Variants in DCC observed in about 807,000 individuals in gnomAD.
DCC encodes the protein DCC netrin 1 receptor, also known as netrin receptor DCC.
In DCC, 58 loss-of-function variants were observed where a neutral mutation model predicts 172.5. The ratio of observed to expected loss-of-function variants is 0.34; its 90% CI spans 0.27 to 0.42. The LOEUF (loss-of-function observed/expected upper bound fraction) is 0.42, where lower values mean the gene tolerates loss of function less well. DCC is among the 10% of genes least tolerant of loss of function. The probability of loss-of-function intolerance (pLI) is 1.00; values close to 1 mark genes in which losing one functional copy is unlikely to be tolerated. For synonymous variants in DCC, 709 were observed against 644.5 expected (o/e 1.10, Z -1.52); for missense variants, 1,740 against 1,791.0 (o/e 0.97, Z 0.51).
At chr18:52,944,395 C>T (rs1018198813) in intron 5 of DCC, among the ~76,000 whole-genome samples, 12 of 152,220 alleles carry the variant, frequency 7.9e-5, no homozygotes, top group East Asian at 3.9e-4. Context: ...ACTGCAGCAC[C>T]GTTTCTGCAT....
intron 14 of DCC, among the ~76,000 whole-genome samples, chr18:53,332,000 G>C (rs921107211): frequency 6.6e-6 from 1 of 152,148 alleles, no homozygotes; most frequent in Non-Finnish European, 1.5e-5. Context: ...TGTGGATTCT[G>C]GTGAATTATT....
chr18:53,299,155 G>C (rs75490365), intron 12 of DCC, among the ~76,000 whole-genome samples: 1 of 152,130 alleles, frequency 6.6e-6, no homozygotes, highest in Non-Finnish European at 1.5e-5. Flanking sequence ...GAATGGTGGG[G>C]AAGAAGGGAA....
intron 21 of DCC, among the ~76,000 whole-genome samples, chr18:53,418,847 G>A (rs1286198752): frequency 6.6e-6 from 1 of 152,110 alleles, no homozygotes; most frequent in Non-Finnish European, 1.5e-5. Flanking sequence ...GACAATGATA[G>A]GCAATTAACA....
chr18:53,199,910 T>C (rs980214758), intron 9 of DCC, among the ~76,000 whole-genome samples: 5 of 152,150 alleles, frequency 3.3e-5, no homozygotes, highest in African/African-American at 1.2e-4. Context: ...AATCAGATCA[T>C]AAAATAAATT....
rs1186516278 is a variant in DCC, at chr18:53,499,447, C to T, written c.4048C>T (p.Leu1350=). The change falls in exon 27 of 29, where the codon CTA becomes TTA. Residue 1350 remains leucine, a synonymous_variant. Transcript: ENST00000442544. ...ACTCCGCAGCTTTGCTAATCCTTTG[C>T]TACCTCCACCAATGAGTGCAATAGA... ...HPLRSFANPL[L]PPPMSAIEPK... The T allele has an allele frequency of 6.2e-7, 1 of 1,614,040 alleles. No homozygotes were observed. Among genetic ancestry groups the T allele is most frequent in the Non-Finnish European group, 8.5e-7 (1 of 1,180,030 alleles).
At chr18:52,947,172 T>C (rs1030763714) in intron 5 of DCC, among the ~76,000 whole-genome samples, 4 of 152,188 alleles carry the variant, frequency 2.6e-5, no homozygotes, top group African/African-American at 7.2e-5. Flanking sequence ...GTTTTATTAA[T>C]ATATAATTAA....
At chr18:53,001,366 G>A (rs944187306) in intron 5 of DCC, among the ~76,000 whole-genome samples, 1 of 151,884 alleles carries the variant, frequency 6.6e-6, no homozygotes, top group African/African-American at 2.4e-5. Flanking sequence ...AAATGTTCAG[G>A]GAATAAGGTG....
intron 9 of DCC, among the ~76,000 whole-genome samples, chr18:53,199,523 G>A (rs539043766): frequency 7.9e-5 from 12 of 152,024 alleles, no homozygotes; most frequent in African/African-American, 2.9e-4. Context: ...CTGAATAAAT[G>A]TATAAGTATA....
chr18:53,319,448 A>C (rs536463309), intron 13 of DCC, among the ~76,000 whole-genome samples: 19 of 152,280 alleles, frequency 1.2e-4, no homozygotes, highest in African/African-American at 4.6e-4. Context: ...GAAAGAAGAA[A>C]AAAAAGCAGG....
chr18:53,416,418 A>T (rs912667837), intron 21 of DCC: 1 of 628,442 alleles, frequency 1.6e-6, no homozygotes, highest in East Asian at 2.9e-5. Context: ...TTTGTATGAA[A>T]TAAATTTTTA....
At chr18:52,471,436 G>A (rs541367403) in intron 1 of DCC, among the ~76,000 whole-genome samples, 14 of 152,290 alleles carry the variant, frequency 9.2e-5, no homozygotes, top group Non-Finnish European at 1.6e-4. Context: ...CATTATGGAG[G>A]GTTATCACTT....
intron 1 of DCC, among the ~76,000 whole-genome samples, chr18:52,518,161 A>G (rs949887024): frequency 3.3e-5 from 5 of 152,202 alleles, no homozygotes; most frequent in Admixed American, 6.5e-5. Flanking sequence ...TCTTATCTAT[A>G]CAGTAATACA....
intron 1 of DCC, among the ~76,000 whole-genome samples, chr18:52,420,879 G>C (rs914350122): frequency 6.6e-6 from 1 of 152,064 alleles, no homozygotes; most frequent in Non-Finnish European, 1.5e-5. Flanking sequence ...TTAGCATCTG[G>C]TGTGGGCAGA....
chr18:52,759,077 G>T (rs1326121214), intron 2 of DCC: 2 of 152,088 alleles, frequency 1.3e-5, no homozygotes, highest in African/African-American at 4.8e-5. Context: ...AGAAATAAAT[G>T]TGGTCTTATA....
At chr18:52,403,894 A>G (rs1315218892) in intron 1 of DCC, among the ~76,000 whole-genome samples, 1 of 152,120 alleles carries the variant, frequency 6.6e-6, no homozygotes, top group African/African-American at 2.4e-5. Flanking sequence ...AGAGATGAAC[A>G]AATAATGATT....
intron 2 of DCC, among the ~76,000 whole-genome samples, chr18:52,880,487 C>T (rs2039468482): frequency 6.6e-6 from 1 of 152,104 alleles, no homozygotes; most frequent in Admixed American, 6.5e-5. Context: ...ATCCCGTAAC[C>T]ATCCCCACTT....
intron 1 of DCC, among the ~76,000 whole-genome samples, chr18:52,486,647 T>C (rs1225945034): frequency 1.3e-5 from 2 of 152,178 alleles, no homozygotes; most frequent in African/African-American, 4.8e-5. Context: ...CTCATTTTCT[T>C]TCATCGCCAT....
intron 26 of DCC, among the ~76,000 whole-genome samples, chr18:53,488,855 T>C (rs550053782): frequency 2.0e-5 from 3 of 152,198 alleles, no homozygotes; most frequent in Middle Eastern, 6.8e-3. Flanking sequence ...AAAAATAAAA[T>C]CTATTAGAAA....
chr18:52,500,938 C>T (rs1184980560), intron 1 of DCC, among the ~76,000 whole-genome samples: 1 of 152,054 alleles, frequency 6.6e-6, no homozygotes, highest in Non-Finnish European at 1.5e-5. Context: ...AAGTAATTGA[C>T]ACGTGGACAT....
Sources: allele counts gnomAD v4.1 joint callset (sites outside exome capture counted in the v4.1 genomes callset), GRCh38; gene constraint gnomAD v4.1.1; transcripts MANE v1.5; gene names NCBI Gene and HGNC (gene_info 2026-07-23, HGNC 2026-07-21).